Variants in HIVEP1 observed in about 807,000 individuals in gnomAD.
HIVEP1 encodes HIVEP zinc finger 1.
Under a neutral mutation model 180.0 loss-of-function variants are expected in HIVEP1, and 36 were observed. That is an observed-to-expected ratio of 0.20 (90% CI 0.15 to 0.26). HIVEP1 has a LOEUF of 0.26. HIVEP1 is among the 10% of genes least tolerant of loss of function. The probability of loss-of-function intolerance (pLI) is 1.00; values close to 1 mark genes in which losing one functional copy is unlikely to be tolerated. For synonymous variants in HIVEP1, 1,239 were observed against 1,239.0 expected (o/e 1.00, Z 0.00); for missense variants, 3,143 against 3,268.7 (o/e 0.96, Z 0.94).
intron 2 of HIVEP1, among the ~76,000 whole-genome samples, chr6:12,032,389 G>T (rs569874133): frequency 2.6e-5 from 4 of 151,932 alleles, no homozygotes; most frequent in Admixed American, 2.0e-4. Flanking sequence ...TGATCCGCCC[G>T]CCTCAGCCTC....
At chr6:12,193,547 T>C in the HIVEP1 span, among the ~76,000 whole-genome samples, 3 of 152,256 alleles carry the variant, frequency 2.0e-5, no homozygotes, top group African/African-American at 7.2e-5. Context: ...GCTAAATTAA[T>C]AGGCTAAAAT....
chr6:12,146,210 A>G (rs1759364983), intron 7 of HIVEP1, among the ~76,000 whole-genome samples: 2 of 152,212 alleles, frequency 1.3e-5, no homozygotes, highest in Admixed American at 1.3e-4. Flanking sequence ...TGGGAGGCCA[A>G]AGCAGGCGGA....
intron 2 of HIVEP1, among the ~76,000 whole-genome samples, chr6:12,029,581 T>G (rs1483308208): frequency 6.6e-6 from 1 of 152,202 alleles, no homozygotes; most frequent in East Asian, 1.9e-4. Flanking sequence ...TTGTTTTTAC[T>G]ATACTTTTGA....
chr6:12,033,322 ATGTG>A (rs58465582), intron 2 of HIVEP1, among the ~76,000 whole-genome samples: 79 of 148,874 alleles, frequency 5.3e-4, no homozygotes, highest in African/African-American at 7.9e-4. Context: ...GTAGAGGAGC[ATGTG>A]TGTGTGTGTG....
chr6:12,047,410 T>G (rs1770212352), intron 2 of HIVEP1, among the ~76,000 whole-genome samples: 1 of 152,152 alleles, frequency 6.6e-6, no homozygotes, highest in Admixed American at 6.5e-5. Context: ...GGTTGGCCAG[T>G]GGGTGAAATG....
At chr6:12,011,492 G>A (rs1160451867), upstream of HIVEP1, among the ~76,000 whole-genome samples, 1 of 144,650 alleles carries the variant, frequency 6.9e-6, no homozygotes, top group Non-Finnish European at 1.5e-5. Flanking sequence ...GGCCGGGCCC[G>A]CCCCTCCGCC....
At position 12,164,136 on chromosome 6, in the gene HIVEP1, C is replaced by G; in HGVS notation, c.7832C>G (p.Ala2611Gly). The stretch of plus-strand genomic sequence containing the variant: ...TTACCTACAGTCCAGCGGGAAAATG[C>G]AAAAAAAGTTCTGAATCCACCTGCC... ...QGLPTVQREN[A>G]KKVLNPPAPA... Residue 2611 changes from alanine to glycine, a missense_variant, in exon 9 of 9, where the codon GCA becomes GGA. Ala to Gly is a moderately conservative substitution (Grantham distance 60, BLOSUM62 0). Transcript: ENST00000379388. The G allele has an allele frequency of 1.2e-6, 2 of 1,614,068 alleles. No individual in the cohort carries two copies. The highest frequency in any genetic ancestry group is 1.7e-6 in the Non-Finnish European group (2 of 1,179,998).
chr6:12,020,890 C>CTTTTTTTTTTTT (rs70981658), intron 2 of HIVEP1, among the ~76,000 whole-genome samples: 211 of 105,728 alleles, frequency 2.0e-3, no homozygotes, highest in Non-Finnish European at 2.9e-3. Context: ...TTCTTTCTTT[C>CTTTTTTTTTTTT]TTTTTTTTTT....
rs1036826793 is a variant in HIVEP1, at chr6:12,032,179, C to T, written c.40+16511C>T. On this transcript the variant is annotated intron_variant, in intron 2 of 8. Transcript: ENST00000379388. ...TTTTTGAGACAGAGTCTTGCTCTGTCGCCCAGGCTGGAGTGTAGTGGCGCG... is the reference window on the plus strand; with the variant it reads ...TTTTTGAGACAGAGTCTTGCTCTGTTGCCCAGGCTGGAGTGTAGTGGCGCG... Among the ~76,000 whole-genome samples, 35 of 137,926 alleles carry T rather than the reference C, an allele frequency of 2.5e-4. 1 individual carries two copies. Among genetic ancestry groups the T allele is most frequent in the African/African-American group, 8.7e-4 (31 of 35,576 alleles). 90.5% of individuals were successfully genotyped at this position (137,926 alleles called of 152,430 possible).
At chr6:12,016,430 G>A (rs1056828312) in intron 2 of HIVEP1, among the ~76,000 whole-genome samples, 1 of 152,174 alleles carries the variant, frequency 6.6e-6, no homozygotes, top group African/African-American at 2.4e-5. Flanking sequence ...ATTCCAAACT[G>A]ACTATGGTGT....
the HIVEP1 span, among the ~76,000 whole-genome samples, chr6:12,182,217 G>A: frequency 1.3e-5 from 2 of 152,128 alleles, no homozygotes; most frequent in African/African-American, 4.8e-5. Context: ...AACTTGTCAT[G>A]TTGAAAAGTC....
chr6:12,081,674 C>T (rs1772796748), intron 2 of HIVEP1, among the ~76,000 whole-genome samples: 1 of 152,100 alleles, frequency 6.6e-6, no homozygotes, highest in Non-Finnish European at 1.5e-5. Flanking sequence ...TTTATTGGCT[C>T]CTCCCACTGG....
intron 6 of HIVEP1, among the ~76,000 whole-genome samples, chr6:12,132,553 G>A (rs1339086081): frequency 6.6e-6 from 1 of 152,136 alleles, no homozygotes; most frequent in Non-Finnish European, 1.5e-5. Flanking sequence ...AATATGATGA[G>A]TCACAAATAT....
chr6:12,012,251 TC>T (rs567273621), upstream of HIVEP1: 23,197 of 116,392 alleles, frequency 0.2, 1,851 homozygotes, highest in Middle Eastern at 0.28. Context: ...CGCCCCGCGC[TC>T]CCCCCCCCGC....
the HIVEP1 span, among the ~76,000 whole-genome samples, chr6:12,207,830 G>C: frequency 6.7e-6 from 1 of 148,898 alleles, no homozygotes; most frequent in Non-Finnish European, 1.5e-5. Flanking sequence ...TTGGAGGATT[G>C]TTTGAGCCCC....
Position 12,070,459 on chromosome 6 carries a change from G to A in HIVEP1, c.41-18725G>A, listed in dbSNP as rs779453592. ...TCTCAGCACTTTGGGAGGCCGAGGCGGGTAGATCACTTGGGGTTAGGAGTT... is the reference window on the plus strand; with the variant it reads ...TCTCAGCACTTTGGGAGGCCGAGGCAGGTAGATCACTTGGGGTTAGGAGTT... On this transcript the variant is annotated intron_variant, in intron 2 of 8. Transcript: ENST00000379388. Among the ~76,000 whole-genome samples, 36 of 152,224 alleles carry A rather than the reference G, an allele frequency of 2.4e-4. 1 individual carries two copies. Among genetic ancestry groups the A allele is most frequent in the African/African-American group, 7.2e-4 (30 of 41,566 alleles).
rs137863751 is a variant in HIVEP1, at chr6:12,067,089, C to T, written c.41-22095C>T. Among the ~76,000 whole-genome samples the T allele has an allele frequency of 4.7e-4, 71 of 152,002 alleles. 1 individual carries two copies. The East Asian group carries it at 8.9e-3, about 19-fold the overall frequency. ...TCTAAGTATTAGTCTTTGGAAAATC[C>T]GTTTAGGGAATATATCTCTGAATGT... On this transcript the variant is annotated intron_variant, in intron 2 of 8. Coordinates refer to ENST00000379388, the MANE Select transcript of HIVEP1 (RefSeq NM_002114.4).
chr6:12,091,449 T>G (rs1773467131), intron 3 of HIVEP1, among the ~76,000 whole-genome samples: 1 of 152,118 alleles, frequency 6.6e-6, no homozygotes, highest in African/African-American at 2.4e-5. Context: ...CCTTTCTCTC[T>G]TTTTTGTAAT....
intron 7 of HIVEP1, among the ~76,000 whole-genome samples, chr6:12,152,322 G>T (rs1408567232): frequency 1.3e-5 from 2 of 151,968 alleles, no homozygotes; most frequent in African/African-American, 4.8e-5. Flanking sequence ...TGTCCTCGCA[G>T]ACTTGTTGAT....
Sources: gnomAD v4.1 joint callset for allele counts (sites outside exome capture counted in the v4.1 genomes callset) on GRCh38, gnomAD v4.1.1 for gene constraint, MANE v1.5 for transcripts, NCBI Gene and HGNC (gene_info 2026-07-23, HGNC 2026-07-21) for gene names.